Variants in NEDD4 observed in about 807,000 individuals in gnomAD.
The protein encoded by NEDD4 is NEDD4 E3 ubiquitin protein ligase.
Under a neutral mutation model 144.9 loss-of-function variants are expected in NEDD4, and 99 were observed. The observed-to-expected ratio is 0.68, with a 90% CI of 0.58 to 0.81. NEDD4 has a LOEUF of 0.81. Ranked by LOEUF, NEDD4 falls within the 30% of genes least tolerant of loss-of-function variation. The pLI is 0.00. For missense variants in NEDD4, 985 were observed against 1,065.9 expected (o/e 0.92, Z 1.06); for synonymous variants, 318 against 350.6 (o/e 0.91, Z 1.04).
At position 55,983,902 on chromosome 15, in the gene NEDD4, C is replaced by T. The variant is rs143099072; in HGVS notation, c.45+9609G>A. Among the ~76,000 whole-genome samples the T allele has an allele frequency of 8.8e-3, 1,335 of 152,228 alleles. 20 individuals are homozygous for T. The highest frequency in any genetic ancestry group is 0.031 in the African/African-American group (1,272 of 41,532). Reference sequence around the variant, plus strand: ...CTGGGATTACAGGTGTGAGCCACTGCGCCCAGCCTGTTATAAATACTTTCA... The same window carrying T: ...CTGGGATTACAGGTGTGAGCCACTGTGCCCAGCCTGTTATAAATACTTTCA... On this transcript the variant is annotated intron_variant, in intron 1 of 28. Transcript: ENST00000435532.
intron 1 of NEDD4, among the ~76,000 whole-genome samples, chr15:55,984,490 C>T (rs12438057): frequency 0.62 from 94,375 of 152,056 alleles, 30,903 homozygotes; most frequent in East Asian, 0.99. Flanking sequence ...AAGGCAGTTG[C>T]TATTTATTTA....
At chr15:55,936,405 A>T (rs1295303878) in intron 4 of NEDD4, among the ~76,000 whole-genome samples, 1 of 151,662 alleles carries the variant, frequency 6.6e-6, no homozygotes, top group African/African-American at 2.4e-5. Context: ...TTTTCCCCCT[A>T]TCCATAAAAA....
rs551018387 is a variant in NEDD4 at position 55,863,006 on chromosome 15, G to A, written c.581C>T (p.Pro194Leu). The change falls in exon 9 of 29, where the codon CCT becomes CTT. Residue 194 changes from proline (P) to leucine (L), a missense_variant. Physicochemically the swap from Pro to Leu is moderately conservative, Grantham distance 98. Transcript: ENST00000435532. ...ATCCTGCCTCTCTTCCCACCCTGGA[G>A]GTAGAGGAGAAGGTTCTTGTTGTTG... is the stretch of plus-strand genomic sequence containing the variant. ...LQQQQEPSPL[P>L]PGWEERQDIL... 121 of 1,607,352 alleles carry A rather than the reference G, an allele frequency of 7.5e-5. No homozygotes were observed. Among genetic ancestry groups the A allele is most frequent in the Middle Eastern group, 3.3e-4 (2 of 6,022 alleles).
intron 26 of NEDD4, 113 bp downstream of exon 26, chr15:55,833,919 GTCTGTA>G (rs2033074678): frequency 1.4e-6 from 1 of 725,830 alleles, no homozygotes; most frequent in Non-Finnish European, 2.3e-6. Context: ...ATTTTTTCTG[GTCTGTA>G]TATTTTTCTG....
chr15:55,988,487 T>TAAAAAAAAAAAAAAAAAG (rs2037933726), intron 1 of NEDD4, among the ~76,000 whole-genome samples: 1 of 101,712 alleles, frequency 9.8e-6, no homozygotes. Flanking sequence ...AAAAAAAAAT[T>TAAAAAAAAAAAAAAAAAG]AAAAAAAAAA....
In NEDD4 at chr15:55,899,785, A is replaced by C. The variant is rs1001875472; in HGVS notation, c.291+24861T>G. 2.0e-5 allele frequency among the ~76,000 whole-genome samples: 3 copies of C among 152,230 alleles called. No individual in the cohort carries two copies. In the East Asian group the frequency reaches 5.8e-4, roughly 29 times the overall value. ...CTGTACTACTGCTGTCCAATGCAGG[A>C]GCCAGTGATCACATGTAGCTATGGA... On this transcript the variant is annotated intron_variant, in intron 5 of 28. Coordinates refer to ENST00000435532, the MANE Select transcript of NEDD4 (RefSeq NM_006154.4).
chr15:55,863,164 A>T, intron 8 of NEDD4, 85 bp from the exon 9 acceptor site: 1 of 1,193,742 alleles, frequency 8.4e-7, no homozygotes, highest in African/African-American at 1.5e-5. Context: ...TTAAAAAGAG[A>T]TTTATTATAT....
chr15:55,848,729 T>G (rs917132356), intron 15 of NEDD4, 77 bp downstream of exon 15: 3 of 1,373,578 alleles, frequency 2.2e-6, no homozygotes, highest in Admixed American at 1.8e-5. Flanking sequence ...TTATAGATGA[T>G]AAAGAAATAC....
chr15:55,847,059 TAAA>T, intron 17 of NEDD4, 25 bp from the exon 18 acceptor site: 1 of 1,517,114 alleles, frequency 6.6e-7, no homozygotes, highest in Non-Finnish European at 9.1e-7. Context: ...TTTGGAAAAA[TAAA>T]GAAGTTTAGG....
At chr15:55,964,334 A>G (rs941542355) in intron 2 of NEDD4, among the ~76,000 whole-genome samples, 11 of 151,828 alleles carry the variant, frequency 7.2e-5, no homozygotes, top group African/African-American at 2.4e-4. Flanking sequence ...TGTCTCTCTC[A>G]TCTCTCTCAT....
chr15:55,842,671 C>G (rs1463454082), intron 18 of NEDD4, among the ~76,000 whole-genome samples: 1 of 152,228 alleles, frequency 6.6e-6, no homozygotes, highest in Non-Finnish European at 1.5e-5. Flanking sequence ...AGCCATGGCA[C>G]CCGGCCTAAA....
intron 8 of NEDD4, among the ~76,000 whole-genome samples, chr15:55,868,075 T>C (rs1595771354): frequency 1.4e-5 from 2 of 146,178 alleles, no homozygotes; most frequent in East Asian, 2.0e-4. Context: ...AAAAAAAAGG[T>C]CTTTCCTTCT....
intron 4 of NEDD4, among the ~76,000 whole-genome samples, chr15:55,945,592 T>C (rs922750042): frequency 1.6e-4 from 24 of 152,032 alleles, no homozygotes; most frequent in African/African-American, 5.8e-4. Flanking sequence ...CTCTACAGGA[T>C]AATATCAAGG....
At chr15:55,907,109 A>T (rs1438513261) in intron 5 of NEDD4, among the ~76,000 whole-genome samples, 1 of 151,850 alleles carries the variant, frequency 6.6e-6, no homozygotes, top group African/African-American at 2.4e-5. Context: ...AAAAAAAAAT[A>T]AAAATAAAAA....
At chr15:55,933,683 A>T (rs1035609761) in intron 4 of NEDD4, among the ~76,000 whole-genome samples, 7 of 149,466 alleles carry the variant, frequency 4.7e-5, no homozygotes, top group Non-Finnish European at 6.0e-5. Context: ...TTAAAGTATA[A>T]AAAAAAAAAT....
intron 5 of NEDD4, among the ~76,000 whole-genome samples, chr15:55,884,685 T>C (rs1276939709): frequency 6.6e-6 from 1 of 151,952 alleles, no homozygotes; most frequent in Non-Finnish European, 1.5e-5. Context: ...AGTCTGTTAA[T>C]ATCAGAATTT....
At chr15:55,863,190 A>G (rs2034468669) in intron 8 of NEDD4, 111 bp from the exon 9 acceptor site, 2 of 886,360 alleles carry the variant, frequency 2.3e-6, no homozygotes, top group Non-Finnish European at 3.1e-6. Context: ...TTTAGAAATT[A>G]TGCATAGACA....
chr15:55,916,200 G>C (rs1219515310), intron 5 of NEDD4: 1 of 1,613,828 alleles, frequency 6.2e-7, no homozygotes. Context: ...TCTATTGGAG[G>C]TGCTGTCAGA....
chr15:55,988,924 T>C (rs2037942715), intron 1 of NEDD4, among the ~76,000 whole-genome samples: 1 of 152,162 alleles, frequency 6.6e-6, no homozygotes, highest in South Asian at 2.1e-4. Context: ...ACTTTCAACT[T>C]TTCTGATGGT....
Sources: gnomAD v4.1 joint callset for allele counts (sites outside exome capture counted in the v4.1 genomes callset) on GRCh38, gnomAD v4.1.1 for gene constraint, MANE v1.5 for transcripts, NCBI Gene and HGNC (gene_info 2026-07-23, HGNC 2026-07-21) for gene names.